Variants in ZFAND3 observed in about 807,000 individuals in gnomAD.
The protein encoded by ZFAND3 is zinc finger AN1-type containing 3.
In ZFAND3, 10 loss-of-function variants were observed where a neutral mutation model predicts 29.6. The observed-to-expected ratio is 0.34, with a 90% confidence interval of 0.21 to 0.57. ZFAND3 has a LOEUF of 0.57. ZFAND3 is among the 20% of genes least tolerant of loss of function. ZFAND3 has a pLI of 0.86. For missense variants in ZFAND3, 230 were observed against 304.5 expected (o/e 0.76, Z 1.82); for synonymous variants, 128 against 112.6 (o/e 1.14, Z -0.87).
chr6:37,839,555 G>T (rs892184649), intron 1 of ZFAND3, among the ~76,000 whole-genome samples: 1 of 126,374 alleles, frequency 7.9e-6, no homozygotes, highest in Non-Finnish European at 1.7e-5. Flanking sequence ...TCGCTCTGTC[G>T]CCAGGCTGGA....
At chr6:38,052,787 G>T (rs1764051736) in intron 2 of ZFAND3, among the ~76,000 whole-genome samples, 1 of 152,008 alleles carries the variant, frequency 6.6e-6, no homozygotes, top group African/African-American at 2.4e-5. Context: ...TGTAATCCCA[G>T]AGTGATTACA....
chr6:38,049,069 C>T (rs1763967871), intron 2 of ZFAND3, among the ~76,000 whole-genome samples: 1 of 152,104 alleles, frequency 6.6e-6, no homozygotes, highest in South Asian at 2.1e-4. Flanking sequence ...GCCAGTTAGC[C>T]ACAATGACTA....
chr6:37,901,803 A>G (rs1057379358), intron 1 of ZFAND3, among the ~76,000 whole-genome samples: 9 of 152,222 alleles, frequency 5.9e-5, no homozygotes, highest in African/African-American at 1.7e-4. Flanking sequence ...AACCACTAGC[A>G]GACTGACTTG....
At chr6:37,863,946 A>G (rs928279070) in intron 1 of ZFAND3, among the ~76,000 whole-genome samples, 8 of 152,196 alleles carry the variant, frequency 5.3e-5, no homozygotes, top group African/African-American at 1.9e-4. Context: ...ATCCATCTCC[A>G]TGATTTGTCA....
intron 1 of ZFAND3, among the ~76,000 whole-genome samples, chr6:37,868,988 T>C (rs1356981945): frequency 6.6e-6 from 1 of 152,218 alleles, no homozygotes; most frequent in African/African-American, 2.4e-5. Flanking sequence ...GATAACAAAT[T>C]CAGTTAGTAG....
chr6:37,998,694 T>C (rs1482874659), intron 2 of ZFAND3, among the ~76,000 whole-genome samples: 2 of 152,198 alleles, frequency 1.3e-5, no homozygotes, highest in Admixed American at 6.5e-5. Flanking sequence ...GATACTGTTA[T>C]ACATGTATAC....
chr6:38,070,210 G>A (rs1437574538), intron 3 of ZFAND3, among the ~76,000 whole-genome samples: 4 of 152,054 alleles, frequency 2.6e-5, no homozygotes, highest in African/African-American at 9.7e-5. Flanking sequence ...AGATCACCAG[G>A]TCAGGAGTTC....
At chr6:37,985,696 A>G (rs904356337) in intron 2 of ZFAND3, among the ~76,000 whole-genome samples, 1 of 152,176 alleles carries the variant, frequency 6.6e-6, no homozygotes, top group Non-Finnish European at 1.5e-5. Context: ...AAATAACAAT[A>G]AGTAAAGTTT....
intron 2 of ZFAND3, among the ~76,000 whole-genome samples, chr6:37,966,097 G>T (rs914263370): frequency 6.6e-6 from 1 of 152,012 alleles, no homozygotes; most frequent in African/African-American, 2.4e-5. Flanking sequence ...TTACACAACC[G>T]CAAACCAGAC....
At chr6:38,142,921 C>T (rs1765993148) in intron 5 of ZFAND3, 1 of 153,272 alleles carries the variant, frequency 6.5e-6, no homozygotes, top group Admixed American at 6.5e-5. Flanking sequence ...AACAGCCTAG[C>T]ATATGAGCCT....
chr6:37,837,312 G>C (rs991068739), intron 1 of ZFAND3, among the ~76,000 whole-genome samples: 2 of 152,176 alleles, frequency 1.3e-5, no homozygotes, highest in African/African-American at 4.8e-5. Flanking sequence ...AGGAGACAGT[G>C]TGAGGATTAA....
chr6:37,830,072 C>G (rs1339193897), intron 1 of ZFAND3, among the ~76,000 whole-genome samples: 1 of 152,156 alleles, frequency 6.6e-6, no homozygotes, highest in Non-Finnish European at 1.5e-5. Context: ...AGTTTTCATT[C>G]TAAATAAATT....
intron 2 of ZFAND3, among the ~76,000 whole-genome samples, chr6:37,988,973 C>T (rs1474085115): frequency 1.3e-5 from 2 of 151,932 alleles, no homozygotes; most frequent in African/African-American, 4.8e-5. Flanking sequence ...GGTGCGGTCT[C>T]AGCTCACTGC....
intron 4 of ZFAND3, among the ~76,000 whole-genome samples, chr6:38,103,510 CGTGT>C (rs1427863132): frequency 5.4e-5 from 2 of 37,220 alleles, no homozygotes; most frequent in East Asian, 8.1e-4. Context: ...TATATATACA[CGTGT>C]ATATATACAC....
At chr6:37,880,402 A>T (rs926365063) in intron 1 of ZFAND3, among the ~76,000 whole-genome samples, 3 of 152,174 alleles carry the variant, frequency 2.0e-5, no homozygotes, top group African/African-American at 7.2e-5. Context: ...CCTGACAGTG[A>T]GGTCAGTCAA....
chr6:38,005,265 C>T (rs1763029286), intron 2 of ZFAND3, among the ~76,000 whole-genome samples: 1 of 152,128 alleles, frequency 6.6e-6, no homozygotes, highest in African/African-American at 2.4e-5. Context: ...CTCTGCAGAT[C>T]TGTCGAAGCA....
chr6:37,916,609 G>C lies in ZFAND3; in HGVS notation c.72-13350G>C, dbSNP rs555178142. ...CTGGAGGCAGAGGTTGCAGTGAGCT[G>C]AGATTGCGCCACTGTACTCTAGCCT... On this transcript the variant is annotated intron_variant, in intron 1 of 5. Transcript: ENST00000287218. Among the ~76,000 whole-genome samples the C allele has an allele frequency of 1.6e-4, 24 of 152,326 alleles. 1 individual carries two copies. The South Asian group carries it at 4.1e-3, about 26-fold the overall frequency.
intron 2 of ZFAND3, among the ~76,000 whole-genome samples, chr6:38,020,618 A>G (rs1763332676): frequency 1.3e-5 from 2 of 152,348 alleles, no homozygotes; most frequent in African/African-American, 4.8e-5. Flanking sequence ...CTTCCTCCTT[A>G]AAGGGAAGTT....
At chr6:37,841,804 A>G (rs754566275) in intron 1 of ZFAND3, among the ~76,000 whole-genome samples, 3 of 152,180 alleles carry the variant, frequency 2.0e-5, no homozygotes, top group Non-Finnish European at 4.4e-5. Context: ...TTTGAAGTAC[A>G]ATTTATATAC....
Sources: allele counts gnomAD v4.1 joint callset (sites outside exome capture counted in the v4.1 genomes callset), GRCh38; gene constraint gnomAD v4.1.1; transcripts MANE v1.5; gene names NCBI Gene and HGNC (gene_info 2026-07-23, HGNC 2026-07-21).